Variants in EFNA5 observed in about 807,000 individuals in gnomAD.
The protein encoded by EFNA5 is ephrin-A5.
In EFNA5, 5 loss-of-function variants were observed where a neutral mutation model predicts 22.9. The observed-to-expected ratio is 0.22, with a 90% CI of 0.11 to 0.46. The LOEUF is 0.46. Among genes scored for constraint, EFNA5 ranks in the 20% least tolerant of loss-of-function variants. The pLI, the probability that EFNA5 is intolerant of heterozygous loss-of-function variation, is 0.99. For missense variants in EFNA5, 237 were observed against 293.3 expected (o/e 0.81, Z 1.40); for synonymous variants, 113 against 112.2 (o/e 1.01, Z -0.04).
rs148654940 is a variant in EFNA5 at position 107,570,747 on chromosome 5, T to G, written c.125+99742A>C. ...TGAAAAAAAATTAATGTTGGAACCC[T>G]ATTGTGCACATGACTGGCTTAAACA... On this transcript the variant is annotated intron_variant, in intron 1 of 4. Coordinates refer to ENST00000333274, the MANE Select transcript of EFNA5 (RefSeq NM_001962.3). Among the ~76,000 whole-genome samples the G allele has an allele frequency of 1.5e-3, 230 of 152,248 alleles. 1 individual carries two copies. The highest frequency in any genetic ancestry group is 5.2e-3 in the African/African-American group (215 of 41,544).
chr5:107,474,531 A>G (rs1750226594), intron 1 of EFNA5, among the ~76,000 whole-genome samples: 1 of 152,106 alleles, frequency 6.6e-6, no homozygotes. Flanking sequence ...CATGACTAAT[A>G]CAATACAGGG....
chr5:107,501,793 G>T (rs1040342636), intron 1 of EFNA5, among the ~76,000 whole-genome samples: 1 of 151,432 alleles, frequency 6.6e-6, no homozygotes, highest in Middle Eastern at 3.4e-3. Flanking sequence ...TACGTGAAAA[G>T]ATGGACAGAA....
chr5:107,563,983 A>G (rs37445), intron 1 of EFNA5, among the ~76,000 whole-genome samples: 103,167 of 152,036 alleles, frequency 0.68, 36,786 homozygotes, highest in African/African-American at 0.91. Flanking sequence ...CCTCCTTGGG[A>G]CTACTATTTG....
chr5:107,482,860 CTCTCTCTCTCTATATATATA>C (rs1561406413), intron 1 of EFNA5, among the ~76,000 whole-genome samples: 22 of 87,810 alleles, frequency 2.5e-4, no homozygotes, highest in Admixed American at 4.3e-4. Flanking sequence ...CTCTCTCTCT[CTCTCTCTCTCTATATATATA>C]TATATATATA....
intron 1 of EFNA5, among the ~76,000 whole-genome samples, chr5:107,540,145 A>G (rs183075113): frequency 6.6e-5 from 10 of 151,264 alleles, no homozygotes; most frequent in African/African-American, 2.4e-4. Context: ...GGGGGTGAAG[A>G]GGGGGAGGGG....
chr5:107,644,183 G>C (rs1021118314), intron 1 of EFNA5, among the ~76,000 whole-genome samples: 2 of 151,998 alleles, frequency 1.3e-5, no homozygotes, highest in Non-Finnish European at 2.9e-5. Context: ...CAGGCGGAAG[G>C]TTTTTGTGCT....
chr5:107,409,876 G>C (rs1233267406), intron 2 of EFNA5, among the ~76,000 whole-genome samples: 1 of 152,116 alleles, frequency 6.6e-6, no homozygotes, highest in African/African-American at 2.4e-5. Context: ...AGTTATGCTG[G>C]TCTACTCATC....
At position 107,549,946 on chromosome 5, in the gene EFNA5, G is replaced by A. The variant is rs186879506; in HGVS notation, c.125+120543C>T. 5.1e-4 allele frequency among the ~76,000 whole-genome samples: 78 copies of A among 152,342 alleles called. 1 individual carries two copies. The highest frequency in any genetic ancestry group is 1.8e-3 in the African/African-American group (76 of 41,570). Reference sequence around the variant, plus strand: ...ATTGGTTAGTACCTATGGCTCTCTGGAAATGGAAGTCATTCCTTATAAGGT... The same window carrying A: ...ATTGGTTAGTACCTATGGCTCTCTGAAAATGGAAGTCATTCCTTATAAGGT... On this transcript the variant is annotated intron_variant, in intron 1 of 4. Coordinates refer to ENST00000333274, the MANE Select transcript of EFNA5 (RefSeq NM_001962.3).
intron 1 of EFNA5, among the ~76,000 whole-genome samples, chr5:107,489,457 C>A (rs948007334): frequency 1.3e-5 from 2 of 152,180 alleles, no homozygotes; most frequent in Non-Finnish European, 2.9e-5. Context: ...AGGCATGAAC[C>A]ACCGTGCCCG....
chr5:107,636,706 C>T (rs1274711118), intron 1 of EFNA5, among the ~76,000 whole-genome samples: 1 of 152,174 alleles, frequency 6.6e-6, no homozygotes, highest in Non-Finnish European at 1.5e-5. Flanking sequence ...ATGGCATAAG[C>T]CACGTATCTT....
intron 1 of EFNA5, among the ~76,000 whole-genome samples, chr5:107,552,041 G>GT (rs913544244): frequency 3.0e-4 from 45 of 149,120 alleles, no homozygotes; most frequent in Non-Finnish European, 4.0e-4. Flanking sequence ...TGAGACTCAA[G>GT]TTTTTTTTTT....
At chr5:107,444,283 G>A (rs983946193) in intron 1 of EFNA5, among the ~76,000 whole-genome samples, 1 of 152,166 alleles carries the variant, frequency 6.6e-6, no homozygotes, top group Admixed American at 6.5e-5. Flanking sequence ...TTTCCTATTA[G>A]AGTGCTAATT....
intron 1 of EFNA5, among the ~76,000 whole-genome samples, chr5:107,555,542 C>T (rs1195189470): frequency 2.0e-5 from 3 of 152,164 alleles, no homozygotes; most frequent in Non-Finnish European, 4.4e-5. Flanking sequence ...TCATCTGAAA[C>T]TGAATGTTAA....
At chr5:107,533,637 A>T (rs1561424509) in intron 1 of EFNA5, among the ~76,000 whole-genome samples, 2 of 135,662 alleles carry the variant, frequency 1.5e-5, no homozygotes, top group African/African-American at 7.7e-5. Context: ...TCTGCATCTA[A>T]TTAGATCATT....
intron 1 of EFNA5, among the ~76,000 whole-genome samples, chr5:107,583,663 A>G (rs1410953194): frequency 6.6e-6 from 1 of 152,174 alleles, no homozygotes; most frequent in Admixed American, 6.5e-5. Context: ...TAGAAAAAGG[A>G]TCTACATAAT....
chr5:107,478,200 A>C (rs1750362695), intron 1 of EFNA5, among the ~76,000 whole-genome samples: 1 of 152,208 alleles, frequency 6.6e-6, no homozygotes, highest in Non-Finnish European at 1.5e-5. Context: ...AGCAATTAAT[A>C]TGCATATCAG....
intron 1 of EFNA5, among the ~76,000 whole-genome samples, chr5:107,431,469 T>C (rs1748956693): frequency 6.6e-6 from 1 of 152,204 alleles, no homozygotes; most frequent in Non-Finnish European, 1.5e-5. Context: ...ACATTCATTA[T>C]CTCAACTTAA....
At chr5:107,610,480 CA>C (rs1443141457) in intron 1 of EFNA5, among the ~76,000 whole-genome samples, 1 of 152,184 alleles carries the variant, frequency 6.6e-6, no homozygotes, top group Non-Finnish European at 1.5e-5. Context: ...AGCCAAGATT[CA>C]GTTGTTTTTG....
rs368717510 is a variant in EFNA5 at position 107,380,649 on chromosome 5, TA to T, written c.*605del. ...CAAGAATGCTTTAAGACAGTCATAT[TA>T]AAAAAAAAAACCAGTGTCTCAACCT... On this transcript the variant is annotated 3_prime_UTR_variant, in exon 5 of 5. Coordinates refer to ENST00000333274, the MANE Select transcript of EFNA5 (RefSeq NM_001962.3). The T allele has an allele frequency of 0.022, 7,024 of 313,630 alleles. 116 individuals are homozygous for T. The highest frequency in any genetic ancestry group is 0.081 in the African/African-American group (3,680 of 45,182). The allele number at this position is 313,630 out of a possible 1,614,324, so 19.4% of individuals were successfully genotyped here.
Sources: gnomAD v4.1 joint callset for allele counts (sites outside exome capture counted in the v4.1 genomes callset) on GRCh38, gnomAD v4.1.1 for gene constraint, MANE v1.5 for transcripts, NCBI Gene and HGNC (gene_info 2026-07-23, HGNC 2026-07-21) for gene names.